Variants in ECHS1 observed in about 807,000 individuals in gnomAD.
ECHS1 encodes enoyl-CoA hydratase, short chain 1.
Under a neutral mutation model 33.5 loss-of-function variants are expected in ECHS1, and 19 were observed. The ratio of observed to expected loss-of-function variants is 0.57; its 90% CI spans 0.40 to 0.83. ECHS1 has a LOEUF of 0.83. ECHS1 is among the 40% of genes least tolerant of loss of function. The pLI is 0.00. For synonymous variants in ECHS1, 158 were observed against 146.6 expected (o/e 1.08, Z -0.56); for missense variants, 365 against 381.3 (o/e 0.96, Z 0.36).
At chr10:133,365,123 G>A (rs77614157) in intron 6 of ECHS1, among the ~76,000 whole-genome samples, 1,608 of 152,356 alleles carry the variant, frequency 0.011, 32 homozygotes, top group African/African-American at 0.036. Context: ...CACCAAGAAC[G>A]CCTTTGGCTC....
chr10:133,364,098 C>T (rs373591467), intron 7 of ECHS1, among the ~76,000 whole-genome samples: 2 of 152,056 alleles, frequency 1.3e-5, no homozygotes, highest in East Asian at 3.9e-4. Flanking sequence ...GCACCTGCCA[C>T]CACGCCCGGC....
chr10:133,373,247 C>G lies in ECHS1; in HGVS notation c.87G>C (p.Ser29=). 2 of 1,435,870 alleles carry G rather than the reference C, an allele frequency of 1.4e-6. No homozygotes were observed. The highest frequency in any genetic ancestry group is 9.1e-7 in the Non-Finnish European group (1 of 1,102,502). 88.9% of individuals were successfully genotyped at this position (1,435,870 alleles called of 1,614,324 possible). A position where few individuals can be genotyped will look rare whatever the true frequency, so the allele number is the denominator to read the frequency against. Residue 29 remains serine, a splice_region_variant and synonymous_variant, in exon 1 of 8, where the codon TCG becomes TCC. Transcript: ENST00000368547. ...VRCPAWRPFA[S]GANFEYIIAE... ...CGCCAGCTCTCACCGCGCACTCACC[C>G]GAGGCGAAGGGACGCCAGGCGGGAC...
Position 133,369,357 on chromosome 10 carries a change from CTGG to C in ECHS1, c.415-338_415-336del, listed in dbSNP as rs1196391427. Among the ~76,000 whole-genome samples the C allele has an allele frequency of 2.0e-4, 6 of 29,658 alleles. No individual in the cohort carries two copies. In the East Asian group the frequency reaches 0.043, roughly 212 times the overall value. 19.5% of individuals were successfully genotyped at this position (29,658 alleles called of 152,430 possible). On this transcript the variant is annotated intron_variant, in intron 3 of 7. Transcript: ENST00000368547. ...CCGGGAAAACTCCATCCGCAGACCC[CTGG>C]CTTACACGGCAGGGAGTGTCATGAA...
intron 2 of ECHS1, 100 bp from the exon 3 acceptor site, chr10:133,370,131 C>T: frequency 6.6e-7 from 1 of 1,513,390 alleles, no homozygotes; most frequent in Non-Finnish European, 8.9e-7. Context: ...ACACCAGACA[C>T]AGGCAGTGGG....
At chr10:133,363,514 TG>T (rs1345188477) in intron 7 of ECHS1, among the ~76,000 whole-genome samples, 1 of 152,244 alleles carries the variant, frequency 6.6e-6, no homozygotes, top group Non-Finnish European at 1.5e-5. Context: ...CCGGGTGCAG[TG>T]GCTCACGCCT....
chr10:133,370,391 G>A (rs1331066822), intron 2 of ECHS1, among the ~76,000 whole-genome samples, 169 bp downstream of exon 2: 1 of 152,260 alleles, frequency 6.6e-6, no homozygotes, highest in African/African-American at 2.4e-5. Flanking sequence ...CATACACAAA[G>A]CTGCTCATGC....
chr10:133,364,094 G>A (rs1589879660), intron 7 of ECHS1, among the ~76,000 whole-genome samples: 1 of 152,034 alleles, frequency 6.6e-6, no homozygotes, highest in South Asian at 2.1e-4. Flanking sequence ...ACAGGCACCT[G>A]CCACCACGCC....
intron 6 of ECHS1, 48 bp from the exon 7 acceptor site, chr10:133,364,773 A>G (rs891294307): frequency 3.3e-6 from 5 of 1,497,014 alleles, no homozygotes; most frequent in Non-Finnish European, 3.7e-6. Flanking sequence ...TACATGCAGA[A>G]CTTTTCCTGC....
rs371582393 is a variant in ECHS1 at position 133,368,949 on chromosome 10, G to A, written c.488C>T (p.Pro163Leu). The change falls in exon 4 of 8, where the codon CCG (proline) becomes CTG (leucine). Residue 163 changes from proline (P) to leucine (L), a missense_variant. Coordinates refer to ENST00000368547, the MANE Select transcript of ECHS1 (RefSeq NM_004092.4). ...YAGEKAQFAQ[P>L]EILIGTIPGA... ...TGGGATGGTTCCTATTAAGATCTCC[G>A]GCTGTGCAAACTGGGCCTTCTCACC... The A allele has an allele frequency of 3.5e-5, 56 of 1,613,542 alleles. No homozygotes were observed. The highest frequency in any genetic ancestry group is 4.3e-5 in the Non-Finnish European group (51 of 1,179,914).
At chr10:133,370,447 C>A (rs557993107) in intron 2 of ECHS1, 113 bp downstream of exon 2, 1 of 1,168,380 alleles carries the variant, frequency 8.6e-7, no homozygotes, top group East Asian at 2.7e-5. Context: ...AGGAAGTCCC[C>A]AGTCGCATGC....
In ECHS1 at chr10:133,373,138, G is replaced by T. The variant is rs1229400482; in HGVS notation, c.88+108C>A. 2.8e-5 allele frequency: 25 copies of T among 889,868 alleles called. 1 individual carries two copies. The highest frequency in any genetic ancestry group is 6.0e-5 in the African/African-American group (3 of 50,162). 55.1% of individuals were successfully genotyped at this position (889,868 alleles called of 1,614,324 possible). ...AGAGGGGTGTGGGTTGGGGTCAGGT[G>T]GGGGATGCGGGGTCAGGTGGGAGGG... On this transcript the variant is annotated intron_variant, in intron 1 of 7. Transcript: ENST00000368547.
chr10:133,365,285 G>T (rs1054985208), intron 6 of ECHS1, among the ~76,000 whole-genome samples: 1 of 152,166 alleles, frequency 6.6e-6, no homozygotes, highest in Non-Finnish European at 1.5e-5. Flanking sequence ...AGCAGCCTCC[G>T]TTCTTTCAAA....
chr10:133,366,750 C>T (rs982985085), intron 5 of ECHS1, 139 bp downstream of exon 5: 2 of 643,958 alleles, frequency 3.1e-6, no homozygotes, highest in Non-Finnish European at 2.8e-6. Context: ...TGTGGGGCAC[C>T]CATGAGGGGG....
rs1849071263 is a variant in ECHS1, at chr10:133,369,097, T to A, written c.415-75A>T. 9.8e-6 allele frequency: 14 copies of A among 1,430,710 alleles called. No individual in the cohort carries two copies. The Middle Eastern group carries it at 7.1e-4, about 72-fold the overall frequency. The allele number at this position is 1,430,710 out of a possible 1,614,324, so 88.6% of individuals were successfully genotyped here. ...AAATCACTCTGCTTGCTTATTCAAA[T>A]TTTCCATTTAAAAGAAACAGTGTTG... On this transcript the variant is annotated intron_variant, in intron 3 of 7. Coordinates refer to ENST00000368547, the MANE Select transcript of ECHS1 (RefSeq NM_004092.4).
At chr10:133,369,813 G>C (rs1849080414) in intron 3 of ECHS1, 91 bp downstream of exon 3, 1 of 1,513,314 alleles carries the variant, frequency 6.6e-7, no homozygotes. Context: ...GGAACTAAAG[G>C]CCTCTTCAAA....
In ECHS1 at chr10:133,362,775, G is replaced by T; in HGVS notation, c.*93C>A. 2 of 1,409,508 alleles carry T rather than the reference G, an allele frequency of 1.4e-6. No homozygotes were observed. The highest frequency in any genetic ancestry group is 2.0e-6 in the Non-Finnish European group (2 of 994,634). 87.3% of individuals were successfully genotyped at this position (1,409,508 alleles called of 1,614,324 possible). A position where few individuals can be genotyped will look rare whatever the true frequency, so the allele number is the denominator to read the frequency against. ...AGAGGAACTGCACACCACGGACACT[G>T]CTCTTGAAAAGAGGATGATTTACTT... On this transcript the variant is annotated 3_prime_UTR_variant, in exon 8 of 8. Coordinates refer to ENST00000368547, the MANE Select transcript of ECHS1 (RefSeq NM_004092.4).
rs575638199 is a variant in ECHS1, at chr10:133,362,926, C to T, written c.815G>A (p.Arg272Gln). ...CACAAACGCGGTCATCCCTTCTTTC[C>T]GGTCATCCTGGCAGGAAAAGGAACA... ...LFYSTFATDD[R>Q]KEGMTAFVEK... The change falls in exon 8 of 8, where the codon CGG (arginine) becomes CAG (glutamine). Residue 272 changes from arginine (R) to glutamine (Q), a missense_variant. Physicochemically the swap from Arg to Gln is conservative, Grantham distance 43. Transcript: ENST00000368547. 59 of 1,614,110 alleles carry T rather than the reference C, an allele frequency of 3.7e-5. No homozygotes were observed. The African/African-American group carries it at 5.6e-4, about 15-fold the overall frequency.
intron 1 of ECHS1, among the ~76,000 whole-genome samples, chr10:133,371,085 G>A (rs1437556672): frequency 6.6e-6 from 1 of 152,182 alleles, no homozygotes; most frequent in Non-Finnish European, 1.5e-5. Context: ...AGACCATCCT[G>A]GCTAACACGG....
intron 1 of ECHS1, 38 bp from the exon 2 acceptor site, chr10:133,370,795 A>G (rs1217270182): frequency 9.5e-6 from 15 of 1,583,220 alleles, no homozygotes; most frequent in Non-Finnish European, 9.5e-6. Context: ...CTATTCACAC[A>G]GGTATCAAAC....
Sources: allele counts gnomAD v4.1 joint callset (sites outside exome capture counted in the v4.1 genomes callset), GRCh38; gene constraint gnomAD v4.1.1; transcripts MANE v1.5; gene names NCBI Gene and HGNC (gene_info 2026-07-23, HGNC 2026-07-21).